Variants in ICOS observed in about 807,000 individuals in gnomAD.
ICOS encodes the protein inducible T-cell costimulator.
A neutral mutation model predicts 24.6 loss-of-function variants in ICOS; 15 were observed. The ratio of observed to expected loss-of-function variants is 0.61; its 90% CI spans 0.41 to 0.94. The LOEUF is 0.94. ICOS is among the 40% of genes least tolerant of loss of function. ICOS has a pLI of 0.00. For missense variants in ICOS, 200 were observed against 233.0 expected, an observed-to-expected ratio of 0.86 and a Z score of 0.92; for synonymous variants, 89 against 77.5, an observed-to-expected ratio of 1.15 and a Z score of -0.78.
chr2:203,955,906 A>G lies in ICOS; in HGVS notation c.329A>G (p.Asn110Ser). ...DHSHANYYFC[N>S]LSIFDPPPFK... ...TCTCATGCCAACTATTACTTCTGCA[A>G]CCTATCAATTTTTGATCCTCCTCCT... Residue 110 changes from asparagine to serine, a missense_variant, in exon 2 of 5, where the codon AAC (asparagine) becomes AGC (serine). Asn to Ser is a conservative substitution (Grantham distance 46). Coordinates refer to ENST00000316386, the MANE Select transcript of ICOS (RefSeq NM_012092.4). 1 of 1,613,370 alleles carries G rather than the reference A, an allele frequency of 6.2e-7. No individual in the cohort carries two copies. Among genetic ancestry groups the G allele is most frequent in the Non-Finnish European group, 8.5e-7 (1 of 1,179,462 alleles).
chr2:203,948,386 GA>G (rs1255197962), intron 1 of ICOS, among the ~76,000 whole-genome samples: 11 of 152,184 alleles, frequency 7.2e-5, no homozygotes, highest in Non-Finnish European at 1.5e-4. Flanking sequence ...AATGCAAAAT[GA>G]AAGGTTTAAC....
chr2:203,957,897 TG>T lies in ICOS; in HGVS notation c.586+19del. The T allele has an allele frequency of 6.5e-7, 1 of 1,537,558 alleles. No individual in the cohort carries two copies. The highest frequency in any genetic ancestry group is 9.0e-7 in the Non-Finnish European group (1 of 1,110,550). On this transcript the variant is annotated intron_variant, in intron 4 of 4. Coordinates refer to ENST00000316386, the MANE Select transcript of ICOS (RefSeq NM_012092.4). ...CTAGACTCACAGGTATGACTCCATT[TG>T]GGGGTTTGGGAAGGGAAGAGGTTTC...
chr2:203,953,874 A>G (rs1690027280), intron 1 of ICOS, among the ~76,000 whole-genome samples: 1 of 152,232 alleles, frequency 6.6e-6, no homozygotes, highest in African/African-American at 2.4e-5. Flanking sequence ...ATAAAATAAC[A>G]ATAGCAGAAC....
At chr2:203,939,396 C>A (rs1559031793) in intron 1 of ICOS, among the ~76,000 whole-genome samples, 2 of 151,824 alleles carry the variant, frequency 1.3e-5, no homozygotes, top group East Asian at 1.9e-4. Context: ...GAACTTGGAG[C>A]AATAGGACAC....
intron 1 of ICOS, among the ~76,000 whole-genome samples, chr2:203,951,025 A>G (rs540099567): frequency 2.0e-5 from 3 of 151,526 alleles, no homozygotes; most frequent in Non-Finnish European, 4.4e-5. Context: ...GCACCACTGC[A>G]CTCTAGCCTG....
At chr2:203,945,071 T>G (rs1689845318) in intron 1 of ICOS, among the ~76,000 whole-genome samples, 1 of 152,198 alleles carries the variant, frequency 6.6e-6, no homozygotes, top group South Asian at 2.1e-4. Flanking sequence ...CAGATATATA[T>G]ATTTTAAAAC....
At chr2:203,938,792 G>A (rs979951183) in intron 1 of ICOS, among the ~76,000 whole-genome samples, 4 of 152,156 alleles carry the variant, frequency 2.6e-5, no homozygotes, top group Admixed American at 6.5e-5. Context: ...AATATTCATC[G>A]TAGATTCTAA....
intron 4 of ICOS, 133 bp from the exon 5 acceptor site, chr2:203,959,453 T>C (rs200852713): frequency 1.6e-6 from 1 of 636,310 alleles, no homozygotes; most frequent in African/African-American, 2.2e-5. Flanking sequence ...GGTGTGTGTG[T>C]GAGTGTGTGT....
At position 203,956,771 on chromosome 2, in the gene ICOS, C is replaced by G. The variant is rs4264550; in HGVS notation, c.501+6C>G. 6.4e-4 allele frequency: 1,002 copies of G among 1,555,586 alleles called. 1 individual carries two copies. The highest frequency in any genetic ancestry group is 8.7e-4 in the Non-Finnish European group (975 of 1,127,074). On this transcript the variant is annotated splice_donor_region_variant and intron_variant, in intron 3 of 4. Coordinates refer to ENST00000316386, the MANE Select transcript of ICOS (RefSeq NM_012092.4). ...TTTGTTGGCTTACAAAAAAGGTAAG[C>G]GATTTCTATCTTTCCTTGTATCTGC...
intron 1 of ICOS, among the ~76,000 whole-genome samples, chr2:203,944,418 T>C (rs1689834610): frequency 6.6e-6 from 1 of 152,212 alleles, no homozygotes; most frequent in Non-Finnish European, 1.5e-5. Flanking sequence ...GACGCTCAGC[T>C]TCTCCGGTCA....
intron 1 of ICOS, among the ~76,000 whole-genome samples, chr2:203,950,799 C>T (rs530810008): frequency 6.6e-6 from 1 of 152,070 alleles, no homozygotes; most frequent in South Asian, 2.1e-4. Context: ...CGGTGGCTCA[C>T]GCTTATAATC....
chr2:203,948,982 A>G (rs1270860238), intron 1 of ICOS, among the ~76,000 whole-genome samples: 1 of 152,206 alleles, frequency 6.6e-6, no homozygotes, highest in African/African-American at 2.4e-5. Context: ...CAGGGTAAGA[A>G]CTTAGATTTT....
Position 203,960,805 on chromosome 2 carries a change from G to T in ICOS, c.*1206G>T, listed in dbSNP as rs1690166437. The T allele has an allele frequency of 6.6e-6, 1 of 152,188 alleles. No homozygotes were observed. The highest frequency in any genetic ancestry group is 2.4e-5 in the African/African-American group (1 of 41,438). The allele number at this position is 152,188 out of a possible 1,614,324, so 9.4% of individuals were successfully genotyped here. A position where few individuals can be genotyped will look rare whatever the true frequency, so the allele number is the denominator to read the frequency against. ...GACTCCCCTGAGCCAGAGGCCACTA[G>T]GTATTCTTGCTCCCAGAGGCTGAAG... On this transcript the variant is annotated 3_prime_UTR_variant, in exon 5 of 5. Transcript: ENST00000316386.
At chr2:203,949,243 C>T (rs970326221) in intron 1 of ICOS, among the ~76,000 whole-genome samples, 3 of 152,190 alleles carry the variant, frequency 2.0e-5, no homozygotes, top group Non-Finnish European at 2.9e-5. Context: ...AGGCGTTCTT[C>T]CTGCTCACAG....
At chr2:203,939,429 G>A (rs944902076) in intron 1 of ICOS, among the ~76,000 whole-genome samples, 5 of 151,928 alleles carry the variant, frequency 3.3e-5, no homozygotes, top group African/African-American at 1.2e-4. Flanking sequence ...AAATATCTAC[G>A]AAAAATGTGA....
intron 3 of ICOS, among the ~76,000 whole-genome samples, chr2:203,957,393 C>T (rs1690095866): frequency 6.6e-6 from 1 of 152,178 alleles, no homozygotes; most frequent in African/African-American, 2.4e-5. Context: ...TTTTTGGTCT[C>T]TTGCATTACA....
intron 1 of ICOS, among the ~76,000 whole-genome samples, chr2:203,954,998 T>C (rs1450442589): frequency 1.3e-5 from 2 of 152,020 alleles, no homozygotes; most frequent in Admixed American, 6.6e-5. Flanking sequence ...TGTACATCAG[T>C]GATTATTTAC....
chr2:203,959,730 C>A lies in ICOS; in HGVS notation c.*131C>A. 2 of 856,648 alleles carry A rather than the reference C, an allele frequency of 2.3e-6. No individual in the cohort carries two copies. Among genetic ancestry groups the A allele is most frequent in the South Asian group, 1.4e-5 (1 of 72,698 alleles). The allele number at this position is 856,648 out of a possible 1,614,324, so 53.1% of individuals were successfully genotyped here. ...ATACATCTTCTGCTGGTGTTTTGTT[C>A]AATCTGGAAGAATGACTGTATCAGT... On this transcript the variant is annotated 3_prime_UTR_variant, in exon 5 of 5. Coordinates refer to ENST00000316386, the MANE Select transcript of ICOS (RefSeq NM_012092.4).
At chr2:203,950,614 T>C (rs1043442481) in intron 1 of ICOS, among the ~76,000 whole-genome samples, 1 of 152,242 alleles carries the variant, frequency 6.6e-6, no homozygotes, top group African/African-American at 2.4e-5. Flanking sequence ...TTAAAAACAT[T>C]CGAACTGCAG....
Sources: allele counts gnomAD v4.1 joint callset (sites outside exome capture counted in the v4.1 genomes callset), GRCh38; gene constraint gnomAD v4.1.1; transcripts MANE v1.5; gene names NCBI Gene and HGNC (gene_info 2026-07-23, HGNC 2026-07-21).